The following TDRD7 variants were observed in gnomAD, a reference collection of about 807,000 sequenced individuals.
TDRD7 encodes the protein tudor domain-containing protein 7.
TDRD7 carries 47 observed loss-of-function variants against 109.8 expected under a neutral mutation model. The observed-to-expected ratio is 0.43, with a 90% confidence interval of 0.34 to 0.55. The LOEUF (loss-of-function observed/expected upper bound fraction) is 0.55. Among genes scored for constraint, TDRD7 ranks in the 20% least tolerant of loss-of-function variants. The probability of loss-of-function intolerance (pLI) is 0.03; values close to 1 mark genes in which losing one functional copy is unlikely to be tolerated. For synonymous variants in TDRD7, 424 were observed against 457.3 expected (o/e 0.93, Z 0.93); for missense variants, 1,164 against 1,319.2 (o/e 0.88, Z 1.82).
chr9:97,456,947 A>G (rs1828623907), intron 6 of TDRD7, among the ~76,000 whole-genome samples: 1 of 152,228 alleles, frequency 6.6e-6, no homozygotes, highest in African/African-American at 2.4e-5. Context: ...ATTATCTAAA[A>G]TTTACAAGGA....
At chr9:97,470,731 G>T (rs954971910) in intron 9 of TDRD7, 62 bp downstream of exon 9, 17 of 1,277,888 alleles carry the variant, frequency 1.3e-5, no homozygotes, top group African/African-American at 2.9e-5. Flanking sequence ...TGTACATTTG[G>T]ATAGTTGAAT....
Position 97,431,930 on chromosome 9 carries a change from G to A in TDRD7, c.350-95G>A. The A allele has an allele frequency of 4.5e-6, 5 of 1,121,448 alleles. No individual in the cohort carries two copies. In the South Asian group the frequency reaches 5.0e-5, roughly 11 times the overall value. The allele number at this position is 1,121,448 out of a possible 1,614,324, so 69.5% of individuals were successfully genotyped here. Reference sequence around the variant, plus strand: ...GTTCTTACAAACTGTTCTGAGAATAGACACCCACAGAAAACATCTGGTCAG... The same window carrying A: ...GTTCTTACAAACTGTTCTGAGAATAAACACCCACAGAAAACATCTGGTCAG... On this transcript the variant is annotated intron_variant, in intron 3 of 16. Transcript: ENST00000355295.
chr9:97,494,229 A>G (rs1226906097), intron 16 of TDRD7, among the ~76,000 whole-genome samples: 1 of 152,176 alleles, frequency 6.6e-6, no homozygotes, highest in African/African-American at 2.4e-5. Context: ...TGTCCATGAA[A>G]TTTTCACAAT....
chr9:97,435,405 G>A lies in TDRD7; in HGVS notation c.563+3167G>A, dbSNP rs534155197. ...AACACTTTAGGAGGCTGACGCAGGAGGATCTCTTGAGACCAGGAGTACAAG... is the reference window on the plus strand; with the variant it reads ...AACACTTTAGGAGGCTGACGCAGGAAGATCTCTTGAGACCAGGAGTACAAG... On this transcript the variant is annotated intron_variant, in intron 4 of 16. Transcript: ENST00000355295. 7.9e-5 allele frequency among the ~76,000 whole-genome samples: 12 copies of A among 151,386 alleles called. No individual in the cohort carries two copies. In the South Asian group the frequency reaches 2.3e-3, roughly 29 times the overall value.
intron 2 of TDRD7, among the ~76,000 whole-genome samples, chr9:97,429,506 T>G (rs1587861238): frequency 6.6e-6 from 1 of 152,122 alleles, no homozygotes; most frequent in East Asian, 1.9e-4. Context: ...TTTTTCTATA[T>G]GGGGGGATGA....
At chr9:97,474,647 A>G (rs1828982320) in intron 11 of TDRD7, among the ~76,000 whole-genome samples, 1 of 152,194 alleles carries the variant, frequency 6.6e-6, no homozygotes, top group Non-Finnish European at 1.5e-5. Context: ...TTTTAAGTCT[A>G]TCTTTGAAAA....
At chr9:97,487,106 C>G in intron 15 of TDRD7, 66 bp from the exon 16 acceptor site, 2 of 1,499,596 alleles carry the variant, frequency 1.3e-6, no homozygotes, top group African/African-American at 1.4e-5. Flanking sequence ...TAAAATATTT[C>G]TTGCCCTTAA....
rs1432961197 is a variant in TDRD7, at chr9:97,478,004, A to T, written c.2167-435A>T. ...CTGGGCGCGGTGGCTCACACCTGTA[A>T]TCGTAGCACTTGGGAGGCCAAGGTG... On this transcript the variant is annotated intron_variant, in intron 12 of 16. Coordinates refer to ENST00000355295, the MANE Select transcript of TDRD7 (RefSeq NM_014290.3). 7.9e-5 allele frequency among the ~76,000 whole-genome samples: 12 copies of T among 152,268 alleles called. No individual in the cohort carries two copies. The East Asian group carries it at 2.3e-3, about 29-fold the overall frequency.
intron 4 of TDRD7, 52 bp from the exon 5 acceptor site, chr9:97,439,193 A>G (rs1024416836): frequency 3.5e-6 from 5 of 1,436,616 alleles, no homozygotes; most frequent in Non-Finnish European, 4.7e-6. Flanking sequence ...AAAACTTGGT[A>G]TAGACTTTGT....
At chr9:97,415,959 A>G (rs1827804274) in intron 1 of TDRD7, among the ~76,000 whole-genome samples, 1 of 152,260 alleles carries the variant, frequency 6.6e-6, no homozygotes, top group Non-Finnish European at 1.5e-5. Flanking sequence ...GATATAGTTT[A>G]GAAAATAATG....
intron 7 of TDRD7, among the ~76,000 whole-genome samples, chr9:97,463,958 AG>A (rs916701959): frequency 1.3e-5 from 2 of 152,134 alleles, no homozygotes; most frequent in Non-Finnish European, 2.9e-5. Context: ...ATAAGTTTGG[AG>A]GGGGGGTGTC....
intron 1 of TDRD7, among the ~76,000 whole-genome samples, chr9:97,417,427 G>A (rs60982663): frequency 0.012 from 1,850 of 152,274 alleles, 37 homozygotes; most frequent in African/African-American, 0.042. Flanking sequence ...AGTGGAAGCA[G>A]AGAGACCAGC....
intron 4 of TDRD7, among the ~76,000 whole-genome samples, chr9:97,437,088 A>G (rs1213573347): frequency 6.6e-6 from 1 of 152,134 alleles, no homozygotes; most frequent in Non-Finnish European, 1.5e-5. Context: ...AGATTTTGTC[A>G]ATGCATTAAT....
At chr9:97,439,081 T>C (rs1828251276) in intron 4 of TDRD7, among the ~76,000 whole-genome samples, 164 bp from the exon 5 acceptor site, 1 of 152,190 alleles carries the variant, frequency 6.6e-6, no homozygotes, top group African/African-American at 2.4e-5. Context: ...ACATGAAAGA[T>C]GATGCCAGGT....
rs1385227592 is a variant in TDRD7, at chr9:97,457,023, C to A, written c.856-3155C>A. On this transcript the variant is annotated intron_variant, in intron 6 of 16. Coordinates refer to ENST00000355295, the MANE Select transcript of TDRD7 (RefSeq NM_014290.3). ...AGTGGGCAAAGGGTATGAACAGACA[C>A]TTCTCAAAAGAAGACATTTACACAG... Among the ~76,000 whole-genome samples, 4 of 152,118 alleles carry A rather than the reference C, an allele frequency of 2.6e-5. No homozygotes were observed. In the East Asian group the frequency reaches 7.7e-4, roughly 29 times the overall value.
At chr9:97,467,246 C>G (rs999552547) in intron 8 of TDRD7, among the ~76,000 whole-genome samples, 1 of 152,138 alleles carries the variant, frequency 6.6e-6, no homozygotes, top group Non-Finnish European at 1.5e-5. Context: ...TACGTAAATC[C>G]TAATGACACA....
At chr9:97,416,664 A>G (rs972371197) in intron 1 of TDRD7, among the ~76,000 whole-genome samples, 2 of 152,212 alleles carry the variant, frequency 1.3e-5, no homozygotes, top group South Asian at 2.1e-4. Context: ...TGTCTCATTC[A>G]GTTTATAAGA....
chr9:97,466,750 G>A (rs1053190364), intron 8 of TDRD7, among the ~76,000 whole-genome samples: 1 of 152,206 alleles, frequency 6.6e-6, no homozygotes, highest in Non-Finnish European at 1.5e-5. Flanking sequence ...AAATTCATCT[G>A]CAGTGATAGA....
At position 97,412,953 on chromosome 9, in the gene TDRD7, C is replaced by T. The variant is rs948214597; in HGVS notation, c.-7+715C>T. Among the ~76,000 whole-genome samples the T allele has an allele frequency of 1.3e-5, 2 of 152,156 alleles. No individual in the cohort carries two copies. The highest frequency in any genetic ancestry group is 4.8e-5 in the African/African-American group (2 of 41,426). On this transcript the variant is annotated intron_variant, in intron 1 of 16. Coordinates refer to ENST00000355295, the MANE Select transcript of TDRD7 (RefSeq NM_014290.3). This position sits in a 1 kb window ranked among gnomAD's most constrained non-coding sequence, Gnocchi z 4.3. ...CGGCATATCTTTCTGCTCCCATTCACTTGAGAGGTATATTTCCATTAATAG... is the reference window on the plus strand; with the variant it reads ...CGGCATATCTTTCTGCTCCCATTCATTTGAGAGGTATATTTCCATTAATAG...
Sources: gnomAD v4.1 joint callset for allele counts (sites outside exome capture counted in the v4.1 genomes callset) on GRCh38, gnomAD v4.1.1 for gene constraint, Gnocchi (gnomAD v3.1) non-coding constraint, MANE v1.5 for transcripts, NCBI Gene and HGNC (gene_info 2026-07-23, HGNC 2026-07-21) for gene names.